Variants in PLK5 observed in about 807,000 individuals in gnomAD.
PLK5 encodes the protein polo like kinase 5 (inactive), also known as inactive serine/threonine-protein kinase PLK5.
A neutral mutation model predicts 33.7 loss-of-function variants in PLK5; 28 were observed. The ratio of observed to expected loss-of-function variants is 0.83; its 90% CI spans 0.62 to 1.14. PLK5 has a LOEUF of 1.14. PLK5 is among the 50% of genes most tolerant of loss of function. The probability of loss-of-function intolerance (pLI) is 0.00; values close to 1 mark genes in which losing one functional copy is unlikely to be tolerated. For synonymous variants in PLK5, 225 were observed against 202.2 expected, an observed-to-expected ratio of 1.11 and a Z score of -0.96; for missense variants, 492 against 461.5, an observed-to-expected ratio of 1.07 and a Z score of -0.61.
In PLK5 at chr19:1,528,069, C is replaced by G. The variant is rs1913796112; in HGVS notation, c.136C>G (p.Leu46Val). ...ANARRLIVHL[L>V]APNPAERPSL... is the part of the protein sequence containing the mutation. ...TGCGCGCCGCCTCATCGTGCACCTCCTAGCACCCAACCCGGCCGAGCGGCC... is the reference window on the plus strand; with the variant it reads ...TGCGCGCCGCCTCATCGTGCACCTCGTAGCACCCAACCCGGCCGAGCGGCC... The change falls in exon 7 of 14, where the codon CTA becomes GTA. Residue 46 changes from leucine to valine, a missense_variant. Coordinates refer to ENST00000454744, the MANE Select transcript of PLK5 (RefSeq NM_001243079.2). The G allele has an allele frequency of 6.5e-7, 1 of 1,536,062 alleles. No individual in the cohort carries two copies. Among genetic ancestry groups the G allele is most frequent in the African/African-American group, 1.4e-5 (1 of 73,168 alleles).
intron 11 of PLK5, among the ~76,000 whole-genome samples, chr19:1,531,478 G>A (rs1056447667): frequency 4.6e-5 from 7 of 152,170 alleles, no homozygotes; most frequent in Admixed American, 1.3e-4. Flanking sequence ...TCAGAGCATT[G>A]CAAGTATTTG....
At chr19:1,531,144 C>T (rs1322633070) in intron 11 of PLK5, among the ~76,000 whole-genome samples, 1 of 151,782 alleles carries the variant, frequency 6.6e-6, no homozygotes, top group Non-Finnish European at 1.5e-5. Flanking sequence ...GGCGTGGTGG[C>T]TCATGCCTGT....
Position 1,528,374 on chromosome 19 carries a change from G to A in PLK5, c.274G>A (p.Gly92Ser). 2 of 1,535,154 alleles carry A rather than the reference G, an allele frequency of 1.3e-6. No individual in the cohort carries two copies. Among genetic ancestry groups the A allele is most frequent in the South Asian group, 1.2e-5 (1 of 84,036 alleles). ...CATCTTCGCCATACCCCCGCCTCTG[G>A]GCAGGATCTTCCGGAAGGTGGGCCA... ...PPIFAIPPPL[G>S]RIFRKVGQRL... Residue 92 changes from glycine to serine, a missense_variant, in exon 8 of 14, where the codon GGC becomes AGC. By Grantham distance (56) the Gly-to-Ser change is moderately conservative (BLOSUM62 0). Coordinates refer to ENST00000454744, the MANE Select transcript of PLK5 (RefSeq NM_001243079.2).
At chr19:1,525,173 G>A (rs527436924) in intron 1 of PLK5, 132 bp from the exon 2 acceptor site, 1 of 153,040 alleles carries the variant, frequency 6.5e-6, no homozygotes, top group Non-Finnish European at 1.5e-5. Flanking sequence ...GCTGTGTGTT[G>A]TTTTTTCCCC....
intron 12 of PLK5, 198 bp from the exon 13 acceptor site, chr19:1,533,733 T>C: frequency 1.7e-6 from 1 of 604,282 alleles, no homozygotes; most frequent in Non-Finnish European, 3.0e-6. Context: ...GTGTGCTACA[T>C]GCCCAACTGC....
At position 1,531,831 on chromosome 19, in the gene PLK5, T is replaced by G; in HGVS notation, c.662T>G (p.Leu221Trp). 5 of 1,533,476 alleles carry G rather than the reference T, an allele frequency of 3.3e-6. No individual in the cohort carries two copies. Among genetic ancestry groups the G allele is most frequent in the Non-Finnish European group, 4.4e-6 (5 of 1,145,870 alleles). 95.0% of individuals were successfully genotyped at this position (1,533,476 alleles called of 1,614,324 possible). ...SSKYGFGYQLLDGGRTGRHPH... is the reference protein window; with the variant it reads ...SSKYGFGYQLWDGGRTGRHPH... ...AAATACGGCTTTGGCTACCAGCTCTTGGACGGGGGGCGCACGGGACGGCAC... is the reference window on the plus strand; with the variant it reads ...AAATACGGCTTTGGCTACCAGCTCTGGGACGGGGGGCGCACGGGACGGCAC... The change falls in exon 12 of 14, where the codon TTG becomes TGG. Residue 221 changes from leucine (L) to tryptophan (W), a missense_variant. Coordinates refer to ENST00000454744, the MANE Select transcript of PLK5 (RefSeq NM_001243079.2).
intron 6 of PLK5, 150 bp downstream of exon 6, chr19:1,527,148 G>A (rs1270695488): frequency 5.8e-6 from 5 of 854,810 alleles, no homozygotes; most frequent in South Asian, 5.2e-5. Context: ...TGAACAGGAC[G>A]TGTGTGGGGA....
intron 11 of PLK5, 131 bp downstream of exon 11, chr19:1,529,955 C>T (rs1412003183): frequency 1.3e-5 from 12 of 935,560 alleles, no homozygotes; most frequent in African/African-American, 6.7e-5. Context: ...CCCCAGGACA[C>T]GGTGACATCA....
intron 6 of PLK5, among the ~76,000 whole-genome samples, chr19:1,527,424 A>G (rs2145540803): frequency 1.3e-5 from 2 of 152,154 alleles, no homozygotes; most frequent in East Asian, 3.9e-4. Context: ...CAAGTTGGTG[A>G]AACCCTGTCT....
At position 1,531,773 on chromosome 19, in the gene PLK5, C is replaced by G. The variant is rs1913936223; in HGVS notation, c.604C>G (p.Leu202Val). 6.5e-7 allele frequency: 1 copy of G among 1,536,010 alleles called. No homozygotes were observed. The change falls in exon 12 of 14, where the codon CTC (leucine) becomes GTC (valine). Residue 202 changes from leucine (L) to valine (V), a missense_variant. Transcript: ENST00000454744. Reference protein sequence around the residue: ...QDPLGEQQPILWAPKWVDYSS... With the variant: ...QDPLGEQQPIVWAPKWVDYSS... ...CCCCCTGGGAGAGCAGCAGCCCATC[C>G]TCTGGGCCCCCAAATGGGTGGATTA...
In PLK5 at chr19:1,529,825, G is replaced by T. The variant is rs542438976; in HGVS notation, c.568+1G>T. Reference sequence around the variant, plus strand: ...CTGTGCCTGGATGTAGGCCCCCCGGGTAGGAGCCGGCCCAGCCCCCAGGAT... The same window carrying T: ...CTGTGCCTGGATGTAGGCCCCCCGGTTAGGAGCCGGCCCAGCCCCCAGGAT... On this transcript the variant is annotated splice_donor_variant, in intron 11 of 13. Transcript: ENST00000454744. LOFTEE classifies it high-confidence loss of function. The T allele has an allele frequency of 6.5e-7, 1 of 1,535,458 alleles. No homozygotes were observed. Among genetic ancestry groups the T allele is most frequent in the Admixed American group, 2.0e-5 (1 of 50,908 alleles).
At chr19:1,529,927 G>A (rs1913879129) in intron 11 of PLK5, 103 bp downstream of exon 11, 23 of 1,221,560 alleles carry the variant, frequency 1.9e-5, no homozygotes, top group Non-Finnish European at 2.5e-5. Flanking sequence ...TGGGGGTGAG[G>A]AGTAGGGGTG....
chr19:1,527,052 C>CGG lies in PLK5; in HGVS notation c.2+61_2+62dup, dbSNP rs11288093. 3 of 842,866 alleles carry CGG rather than the reference C, an allele frequency of 3.6e-6. No individual in the cohort carries two copies. In the African/African-American group the frequency reaches 5.1e-5, roughly 14 times the overall value. The allele number at this position is 842,866 out of a possible 1,614,324, so 52.2% of individuals were successfully genotyped here. A position where few individuals can be genotyped will look rare whatever the true frequency, so the allele number is the denominator to read the frequency against. ...GGGCCTCCGGGGGGGGCAGGTGTGG[C>CGG]GGGGGGGGAGCCTGCACGGAACAGG... On this transcript the variant is annotated intron_variant, in intron 6 of 13. Coordinates refer to ENST00000454744, the MANE Select transcript of PLK5 (RefSeq NM_001243079.2).
In PLK5 at chr19:1,524,560, G is replaced by C. The variant is rs1397022761; in HGVS notation, c.-544+314G>C. Reference sequence around the variant, plus strand: ...GCGAGGGTCTGAGTGTGCCGCGTCTGTGCCCGCTGCTTCCAAGTGTCTGGG... The same window carrying C: ...GCGAGGGTCTGAGTGTGCCGCGTCTCTGCCCGCTGCTTCCAAGTGTCTGGG... On this transcript the variant is annotated intron_variant, in intron 1 of 13. Coordinates refer to ENST00000454744, the MANE Select transcript of PLK5 (RefSeq NM_001243079.2). This position sits in a 1 kb window ranked among gnomAD's most constrained non-coding sequence, Gnocchi z 4.5. 6.6e-6 allele frequency among the ~76,000 whole-genome samples: 1 copy of C among 152,042 alleles called. No individual in the cohort carries two copies.
intron 12 of PLK5, among the ~76,000 whole-genome samples, chr19:1,532,913 G>A (rs1294961521): frequency 3.3e-5 from 5 of 151,818 alleles, no homozygotes; most frequent in South Asian, 2.1e-4. Context: ...TGATCTGCCC[G>A]CCTCGGCCTC....
In PLK5 at chr19:1,528,917, G is replaced by A. The variant is rs1443736436; in HGVS notation, c.348G>A (p.Glu116=). Residue 116 remains glutamate, a synonymous_variant, in exon 9 of 14, where the codon GAG becomes GAA. Coordinates refer to ENST00000454744, the MANE Select transcript of PLK5 (RefSeq NM_001243079.2). ...CRPPCPFTPK[E]ASGPGEGGPD... is the part of the protein sequence containing the mutation. ...CCTCAGGCCCCTTCACGCCTAAAGA[G>A]GCCTCGGGTCCAGGAGAAGGTGGGC... 2 of 1,516,366 alleles carry A rather than the reference G, an allele frequency of 1.3e-6. No homozygotes were observed. Among genetic ancestry groups the A allele is most frequent in the African/African-American group, 2.8e-5 (2 of 71,966 alleles). 93.9% of individuals were successfully genotyped at this position (1,516,366 alleles called of 1,614,324 possible).
chr19:1,529,340 C>T, intron 9 of PLK5, 66 bp from the exon 10 acceptor site: 1 of 1,378,616 alleles, frequency 7.3e-7, no homozygotes, highest in African/African-American at 1.4e-5. Context: ...GAGCCTGCCA[C>T]CCACCTCACG....
rs1282375569 is a variant in PLK5, at chr19:1,531,883, G to C, written c.714G>C (p.Arg238Ser). The change falls in exon 12 of 14, where the codon AGG becomes AGC. Residue 238 changes from arginine (R) to serine (S), a missense_variant and splice_region_variant. Arg to Ser is a moderately radical substitution (Grantham distance 110). Transcript: ENST00000454744. ...RHPHGPATPRREGTLPTPVPP... is the reference protein window; with the variant it reads ...RHPHGPATPRSEGTLPTPVPP... Reference sequence around the variant, plus strand: ...CACATGGCCCTGCGACCCCCCGGAGGGTAAGTTGTGGCCTCCTGTGCCCTG... The same window carrying C: ...CACATGGCCCTGCGACCCCCCGGAGCGTAAGTTGTGGCCTCCTGTGCCCTG... The C allele has an allele frequency of 2.7e-6, 4 of 1,482,836 alleles. No homozygotes were observed. The highest frequency in any genetic ancestry group is 4.6e-5 in the Admixed American group (2 of 43,574). 91.9% of individuals were successfully genotyped at this position (1,482,836 alleles called of 1,614,324 possible). A position where few individuals can be genotyped will look rare whatever the true frequency, so the allele number is the denominator to read the frequency against.
intron 12 of PLK5, 77 bp from the exon 13 acceptor site, chr19:1,533,854 A>AGCTGGGGT: frequency 9.3e-7 from 1 of 1,071,786 alleles, no homozygotes; most frequent in Non-Finnish European, 1.3e-6. Context: ...GGGAGGTGAG[A>AGCTGGGGT]GCTGGGGTGC....
Sources: gnomAD v4.1 joint callset for allele counts (sites outside exome capture counted in the v4.1 genomes callset) on GRCh38, gnomAD v4.1.1 for gene constraint, Gnocchi (gnomAD v3.1) non-coding constraint, MANE v1.5 for transcripts, NCBI Gene and HGNC (gene_info 2026-07-23, HGNC 2026-07-21) for gene names.